The following DAB1 variants were observed in gnomAD, a reference collection of about 807,000 sequenced individuals.
DAB1 encodes DAB adaptor protein 1, also known as disabled homolog 1.
Under a neutral mutation model 64.6 loss-of-function variants are expected in DAB1, and 15 were observed. The observed-to-expected ratio is 0.23, with a 90% CI of 0.16 to 0.36. The LOEUF (loss-of-function observed/expected upper bound fraction) is 0.36, where lower values mean the gene tolerates loss of function less well. Ranked by LOEUF, DAB1 falls within the 10% of genes least tolerant of loss-of-function variation. The probability of loss-of-function intolerance (pLI) is 1.00; values close to 1 mark genes in which losing one functional copy is unlikely to be tolerated. For synonymous variants in DAB1, 235 were observed against 251.9 expected (o/e 0.93, Z 0.64); for missense variants, 596 against 706.7 (o/e 0.84, Z 1.78).
Position 58,436,484 on chromosome 1 carries a change from T to C in DAB1, n.257+69576A>G, listed in dbSNP as rs72916040. 7.8e-3 allele frequency among the ~76,000 whole-genome samples: 1,184 copies of C among 152,284 alleles called. 17 individuals are homozygous for C. Among genetic ancestry groups the C allele is most frequent in the African/African-American group, 0.027 (1,141 of 41,548 alleles). On this transcript the variant is annotated intron_variant and non_coding_transcript_variant, in intron 3 of 20. Coordinates refer to the DAB1 transcript ENST00000485760. ...TCTGGTCACCATATTCTTAGTGCATTGAATCTCTTAGCTCTTCAGTATCAT... is the reference window on the plus strand; with the variant it reads ...TCTGGTCACCATATTCTTAGTGCATCGAATCTCTTAGCTCTTCAGTATCAT...
At chr1:58,400,167 T>G (rs1275526895) in intron 3 of DAB1, among the ~76,000 whole-genome samples, 1 of 151,732 alleles carries the variant, frequency 6.6e-6, no homozygotes, top group Non-Finnish European at 1.5e-5. Context: ...TGCCTTTCTC[T>G]GCATCTCGTT....
intron 4 of DAB1, among the ~76,000 whole-genome samples, chr1:58,246,261 C>G (rs1660524246): frequency 6.6e-6 from 1 of 152,182 alleles, no homozygotes; most frequent in African/African-American, 2.4e-5. Flanking sequence ...GTGTTATACC[C>G]TGAGATTGAA....
chr1:57,242,130 G>A (rs1238709864), intron 2 of DAB1, among the ~76,000 whole-genome samples: 2 of 152,138 alleles, frequency 1.3e-5, no homozygotes, highest in Admixed American at 6.5e-5. Flanking sequence ...AATGGTTATA[G>A]GTTTATGGCT....
At chr1:57,295,801 A>G (rs560519995) in intron 1 of DAB1, among the ~76,000 whole-genome samples, 33 of 152,246 alleles carry the variant, frequency 2.2e-4, no homozygotes, top group African/African-American at 7.7e-4. Flanking sequence ...TAATTTCCAC[A>G]TTTGGAAGCA....
chr1:58,064,508 C>T (rs1381946118), intron 5 of DAB1, among the ~76,000 whole-genome samples: 1 of 152,090 alleles, frequency 6.6e-6, no homozygotes, highest in Non-Finnish European at 1.5e-5. Context: ...GCAGCCCACT[C>T]CCTGCCCTAG....
intron 14 of DAB1, among the ~76,000 whole-genome samples, chr1:57,007,776 G>A (rs910204007): frequency 6.6e-6 from 1 of 152,196 alleles, no homozygotes; most frequent in Admixed American, 6.5e-5. Flanking sequence ...CCATATGAAA[G>A]CAGAGGGGAA....
chr1:57,336,452 T>C lies in DAB1; in HGVS notation c.-136-45286A>G, dbSNP rs367667736. ...AAATAGGTATAATGCAGCCCAAGTATGCTAATGTTACCAGGAGATTCTGAA... is the reference window on the plus strand; with the variant it reads ...AAATAGGTATAATGCAGCCCAAGTACGCTAATGTTACCAGGAGATTCTGAA... On this transcript the variant is annotated intron_variant, in intron 1 of 14. Transcript: ENST00000371236. 5.3e-5 allele frequency among the ~76,000 whole-genome samples: 8 copies of C among 152,322 alleles called. No individual in the cohort carries two copies. In the East Asian group the frequency reaches 1.3e-3, roughly 26 times the overall value.
chr1:57,295,374 T>TAA (rs1673110069), intron 1 of DAB1, among the ~76,000 whole-genome samples: 1 of 152,160 alleles, frequency 6.6e-6, no homozygotes, highest in South Asian at 2.1e-4. Context: ...GACTTTGAGT[T>TAA]TGTGTGGCAG....
intron 3 of DAB1, among the ~76,000 whole-genome samples, chr1:58,483,812 C>T (rs1414636753): frequency 2.6e-5 from 4 of 152,198 alleles, no homozygotes; most frequent in Non-Finnish European, 5.9e-5. Flanking sequence ...TTGGGACGTA[C>T]GGTCACTCTT....
At chr1:58,363,240 C>G (rs768287195) in intron 3 of DAB1, among the ~76,000 whole-genome samples, 2 of 152,096 alleles carry the variant, frequency 1.3e-5, no homozygotes, top group Non-Finnish European at 2.9e-5. Flanking sequence ...ATTTGTAGGA[C>G]TGGAAATATC....
chr1:58,054,937 T>G (rs1007175470), intron 5 of DAB1, among the ~76,000 whole-genome samples: 1 of 152,246 alleles, frequency 6.6e-6, no homozygotes, highest in African/African-American at 2.4e-5. Context: ...CGTGAAGGCA[T>G]GGGCAGCCTT....
intron 2 of DAB1, among the ~76,000 whole-genome samples, chr1:57,209,260 A>G (rs926857828): frequency 6.6e-6 from 1 of 152,250 alleles, no homozygotes; most frequent in African/African-American, 2.4e-5. Context: ...ATTCATTCTA[A>G]CAGCATTTAT....
intron 4 of DAB1, among the ~76,000 whole-genome samples, chr1:57,111,080 C>T (rs142136994): frequency 3.2e-3 from 484 of 151,824 alleles, no homozygotes; most frequent in Middle Eastern, 0.017. Flanking sequence ...TTCTTTGGGC[C>T]GTAACCAGGG....
chr1:57,499,807 A>G (rs1227225137), intron 7 of DAB1, among the ~76,000 whole-genome samples: 1 of 152,086 alleles, frequency 6.6e-6, no homozygotes, highest in East Asian at 1.9e-4. Context: ...TCCAGGTGCA[A>G]TTTTGAATTT....
intron 1 of DAB1, among the ~76,000 whole-genome samples, chr1:57,829,395 T>A (rs1353451069): frequency 6.6e-6 from 1 of 152,214 alleles, no homozygotes; most frequent in Non-Finnish European, 1.5e-5. Context: ...TTTTCTGATC[T>A]TCAGCTCACA....
chr1:57,052,146 G>T (rs953797446), intron 9 of DAB1, among the ~76,000 whole-genome samples: 3 of 129,844 alleles, frequency 2.3e-5, no homozygotes, highest in African/African-American at 8.3e-5. Flanking sequence ...GGGCGGGGGG[G>T]CGGGGGGAAG....
chr1:57,503,766 C>G (rs948223715), intron 7 of DAB1, among the ~76,000 whole-genome samples: 4 of 152,208 alleles, frequency 2.6e-5, no homozygotes, highest in Non-Finnish European at 5.9e-5. Flanking sequence ...TCCTTTTCAT[C>G]CACTGGGATT....
At chr1:57,874,742 C>T (rs2897397) in intron 1 of DAB1, among the ~76,000 whole-genome samples, 4,388 of 152,186 alleles carry the variant, frequency 0.029, 100 homozygotes, top group East Asian at 0.13. Context: ...CACATTTTCC[C>T]AGACTGGCTT....
chr1:57,724,097 G>A (rs76221913), intron 6 of DAB1, among the ~76,000 whole-genome samples: 188 of 152,218 alleles, frequency 1.2e-3, no homozygotes, highest in African/African-American at 3.8e-3. Flanking sequence ...CTGATGGATG[G>A]ACAAGCCGGG....
Sources: allele counts gnomAD v4.1 joint callset (sites outside exome capture counted in the v4.1 genomes callset), GRCh38; gene constraint gnomAD v4.1.1; transcripts MANE v1.5; gene names NCBI Gene and HGNC (gene_info 2026-07-23, HGNC 2026-07-21).